CDH4: variants seen among roughly 807,000 people sequenced by gnomAD.
CDH4 encodes cadherin 4.
CDH4 carries 33 observed loss-of-function variants against 86.0 expected under a neutral mutation model. The observed-to-expected ratio is 0.38, with a 90% confidence interval of 0.29 to 0.51. CDH4 has a LOEUF of 0.51. Ranked by LOEUF, CDH4 falls within the 20% of genes least tolerant of loss-of-function variation. The pLI is 0.86. For missense variants in CDH4, 1,114 were observed against 1,307.4 expected (o/e 0.85, Z 2.28); for synonymous variants, 555 against 549.4 (o/e 1.01, Z -0.14).
At chr20:61,583,358 G>A (rs1043659262) in intron 2 of CDH4, among the ~76,000 whole-genome samples, 2 of 152,060 alleles carry the variant, frequency 1.3e-5, no homozygotes, top group African/African-American at 4.8e-5. Context: ...TGGCCAGATG[G>A]TGCTGGCCCC....
chr20:61,729,106 G>A (rs1568781863), intron 2 of CDH4, among the ~76,000 whole-genome samples: 1 of 121,564 alleles, frequency 8.2e-6, no homozygotes, highest in African/African-American at 2.6e-5. Context: ...GTTGCTCTGC[G>A]AGCGCTGACT....
At chr20:61,360,145 C>T (rs1465473198) in intron 2 of CDH4, among the ~76,000 whole-genome samples, 1 of 152,180 alleles carries the variant, frequency 6.6e-6, no homozygotes, top group Non-Finnish European at 1.5e-5. Context: ...GGAGATTTGC[C>T]ACATCAGCTC....
intron 2 of CDH4, among the ~76,000 whole-genome samples, chr20:61,505,340 G>A (rs937217884): frequency 3.3e-5 from 5 of 152,184 alleles, no homozygotes; most frequent in Admixed American, 6.5e-5. Context: ...GCTTCAGAGC[G>A]TTTCTAGGAG....
intron 2 of CDH4, among the ~76,000 whole-genome samples, chr20:61,395,490 A>G (rs1371983655): frequency 6.6e-6 from 1 of 152,172 alleles, no homozygotes; most frequent in Non-Finnish European, 1.5e-5. Flanking sequence ...ATTATCAATA[A>G]TGTTACTAGC....
At chr20:61,651,253 T>C (rs1568733776) in intron 2 of CDH4, among the ~76,000 whole-genome samples, 1 of 152,230 alleles carries the variant, frequency 6.6e-6, no homozygotes. Context: ...GCATCGTGCT[T>C]GGCCATGGCA....
chr20:61,732,680 C>T (rs915522869), intron 2 of CDH4, among the ~76,000 whole-genome samples: 9 of 152,254 alleles, frequency 5.9e-5, no homozygotes, highest in Middle Eastern at 3.2e-3. Context: ...GCTGCCAGCT[C>T]ATCACGCATG....
chr20:61,750,869 C>T (rs2088484216), intron 3 of CDH4, among the ~76,000 whole-genome samples: 1 of 152,066 alleles, frequency 6.6e-6, no homozygotes, highest in African/African-American at 2.4e-5. Flanking sequence ...AACTAGATCC[C>T]AATTACAATA....
intron 2 of CDH4, among the ~76,000 whole-genome samples, chr20:61,523,410 G>A (rs2085887678): frequency 6.6e-6 from 1 of 152,270 alleles, no homozygotes; most frequent in Admixed American, 6.5e-5. Flanking sequence ...CGCACGCACA[G>A]ACACACCCTT....
At chr20:61,845,587 G>A (rs574608437) in intron 5 of CDH4, among the ~76,000 whole-genome samples, 1 of 152,356 alleles carries the variant, frequency 6.6e-6, no homozygotes, top group South Asian at 2.1e-4. Flanking sequence ...GCCAAATCAC[G>A]AGGGTCACAC....
intron 2 of CDH4, among the ~76,000 whole-genome samples, chr20:61,333,417 G>A (rs2084596367): frequency 6.6e-6 from 1 of 152,154 alleles, no homozygotes; most frequent in Non-Finnish European, 1.5e-5. Context: ...CTGAAGCTCT[G>A]GCTTAATGAG....
intron 2 of CDH4, among the ~76,000 whole-genome samples, chr20:61,716,492 C>CTG (rs2145905793): frequency 6.6e-6 from 1 of 152,292 alleles, no homozygotes; most frequent in Admixed American, 6.5e-5. Flanking sequence ...CACTGGAGGT[C>CTG]TGAGTGCTGC....
chr20:61,880,765 G>T (rs558283550), intron 7 of CDH4, among the ~76,000 whole-genome samples: 1 of 152,240 alleles, frequency 6.6e-6, no homozygotes, highest in Non-Finnish European at 1.5e-5. Context: ...TCCCAGGCAC[G>T]CTGGGCAGTG....
Position 61,570,739 on chromosome 20 carries a change from A to G in CDH4, c.170-172824A>G, listed in dbSNP as rs149100880. 747 of 702,394 alleles carry G rather than the reference A, an allele frequency of 1.1e-3. 7 individuals carry two copies. The African/African-American group carries it at 0.012, about 11-fold the overall frequency. 43.5% of individuals were successfully genotyped at this position (702,394 alleles called of 1,614,324 possible). A position where few individuals can be genotyped will look rare whatever the true frequency, so the allele number is the denominator to read the frequency against. ...TGCTTCACGGAGGCAGGGAAAATGC[A>G]GGAGGTAAGATCCTTGAGCCACGGC... On this transcript the variant is annotated intron_variant, in intron 2 of 15. Coordinates refer to ENST00000614565, the MANE Select transcript of CDH4 (RefSeq NM_001794.5).
intron 2 of CDH4, among the ~76,000 whole-genome samples, chr20:61,425,573 T>C (rs1600967675): frequency 6.6e-6 from 1 of 152,132 alleles, no homozygotes; most frequent in Admixed American, 6.5e-5. Context: ...ATCCGTGAGA[T>C]AAGGCACAGA....
chr20:61,495,081 A>G (rs528242855), intron 2 of CDH4, among the ~76,000 whole-genome samples: 9 of 152,384 alleles, frequency 5.9e-5, no homozygotes, highest in Admixed American at 4.6e-4. Flanking sequence ...GAACAAGGGC[A>G]GGGCCCCCAA....
chr20:61,876,514 G>A (rs999917415), intron 7 of CDH4, among the ~76,000 whole-genome samples: 1 of 152,248 alleles, frequency 6.6e-6, no homozygotes, highest in African/African-American at 2.4e-5. Context: ...GTGCCTGCAG[G>A]GGAGGCATGC....
chr20:61,512,128 G>A (rs1487323465), intron 2 of CDH4, among the ~76,000 whole-genome samples: 2 of 152,182 alleles, frequency 1.3e-5, no homozygotes, highest in African/African-American at 4.8e-5. Context: ...ATGCTGAGTA[G>A]TAAACTGGGG....
chr20:61,876,178 C>A (rs1015054072), intron 7 of CDH4, among the ~76,000 whole-genome samples: 1 of 152,256 alleles, frequency 6.6e-6, no homozygotes, highest in Non-Finnish European at 1.5e-5. Flanking sequence ...AGCGCCGGCA[C>A]CTCTGGGATG....
chr20:61,910,726 G>T lies in CDH4; in HGVS notation c.1374+119G>T, dbSNP rs186737807. 2.1e-5 allele frequency: 19 copies of T among 920,490 alleles called. No individual in the cohort carries two copies. In the Admixed American group the frequency reaches 4.1e-4, roughly 20 times the overall value. 57.0% of individuals were successfully genotyped at this position (920,490 alleles called of 1,614,324 possible). ...AGTTACTGCCCCCCTAATATCCAAG[G>T]GTAGAGGCAGGTAACCCAACCTGCT... On this transcript the variant is annotated intron_variant, in intron 9 of 15. Coordinates refer to ENST00000614565, the MANE Select transcript of CDH4 (RefSeq NM_001794.5).
Sources: gnomAD v4.1 joint callset for allele counts (sites outside exome capture counted in the v4.1 genomes callset) on GRCh38, gnomAD v4.1.1 for gene constraint, MANE v1.5 for transcripts, NCBI Gene and HGNC (gene_info 2026-07-23, HGNC 2026-07-21) for gene names.